MBOAT2: variants seen among roughly 807,000 people sequenced by gnomAD.
MBOAT2 encodes the protein membrane-bound glycerophospholipid O-acyltransferase 2.
Under a neutral mutation model 63.4 loss-of-function variants are expected in MBOAT2, and 28 were observed. That is an observed-to-expected ratio of 0.44 (90% CI 0.33 to 0.61). MBOAT2 has a LOEUF of 0.61. Among genes scored for constraint, MBOAT2 ranks in the 20% least tolerant of loss-of-function variants. The pLI is 0.03. For synonymous variants in MBOAT2, 211 were observed against 215.6 expected, an observed-to-expected ratio of 0.98 and a Z score of 0.19; for missense variants, 470 against 605.8, an observed-to-expected ratio of 0.78 and a Z score of 2.35.
chr2:8,894,680 G>T (rs769014281), intron 4 of MBOAT2, among the ~76,000 whole-genome samples: 1 of 152,230 alleles, frequency 6.6e-6, no homozygotes, highest in East Asian at 1.9e-4. Flanking sequence ...TGGTCTCGCT[G>T]ACTTCAAGAA....
chr2:8,904,316 A>AT lies in MBOAT2; in HGVS notation c.395+4304dup, dbSNP rs59252049. ...ATACTGAAGGTTGTTTTTATTTTTT[A>AT]TTTTTTTTTTTTTGAGATAGGATCT... On this transcript the variant is annotated intron_variant, in intron 4 of 12. Coordinates refer to ENST00000305997, the MANE Select transcript of MBOAT2 (RefSeq NM_138799.4). Among the ~76,000 whole-genome samples, 266 of 142,550 alleles carry AT rather than the reference A, an allele frequency of 1.9e-3. 1 individual carries two copies. Among genetic ancestry groups the AT allele is most frequent in the East Asian group, 7.8e-3 (38 of 4,884 alleles). The allele number at this position is 142,550 out of a possible 152,430, so 93.5% of individuals were successfully genotyped here.
At chr2:8,923,132 A>C (rs1013077446) in intron 3 of MBOAT2, among the ~76,000 whole-genome samples, 12 of 152,240 alleles carry the variant, frequency 7.9e-5, no homozygotes, top group African/African-American at 2.9e-4. Context: ...GGTAAAGACT[A>C]ACAAAAGGTC....
In MBOAT2 at chr2:8,962,177, G is replaced by A. The variant is rs1669651402; in HGVS notation, c.76-3535C>T. Among the ~76,000 whole-genome samples the A allele has an allele frequency of 2.0e-5, 3 of 152,076 alleles. No individual in the cohort carries two copies. The South Asian group carries it at 6.2e-4, about 32-fold the overall frequency. ...TTTAATCTTCACAATAACCCTATGA[G>A]GAGAACTCTACTATTATCTCCATTT... On this transcript the variant is annotated intron_variant, in intron 1 of 12. Coordinates refer to ENST00000305997, the MANE Select transcript of MBOAT2 (RefSeq NM_138799.4).
At chr2:8,918,304 T>C (rs937853944) in intron 3 of MBOAT2, among the ~76,000 whole-genome samples, 5 of 152,208 alleles carry the variant, frequency 3.3e-5, no homozygotes, top group Non-Finnish European at 5.9e-5. Context: ...GGTCCCAGGG[T>C]TCAGTTTGCA....
chr2:8,908,391 C>G (rs1162673186), intron 4 of MBOAT2: 1 of 386,126 alleles, frequency 2.6e-6, no homozygotes, highest in East Asian at 4.4e-5. Flanking sequence ...GACCTAAGAA[C>G]CAAAGGAAGT....
chr2:8,963,440 A>C (rs567133483), intron 1 of MBOAT2, among the ~76,000 whole-genome samples: 1 of 152,082 alleles, frequency 6.6e-6, no homozygotes, highest in South Asian at 2.1e-4. Flanking sequence ...AGCAGCTGGG[A>C]TTACAGGCAT....
At chr2:9,002,366 A>G (rs140439753) in intron 1 of MBOAT2, among the ~76,000 whole-genome samples, 1 of 152,334 alleles carries the variant, frequency 6.6e-6, no homozygotes, top group East Asian at 1.9e-4. Context: ...AGCAGCTAGT[A>G]TCCTAATGTC....
Position 8,855,823 on chromosome 2 carries a change from G to A in MBOAT2, c.*2856C>T, listed in dbSNP as rs1484031750. ...TATAATTAACCAAAAGTATAAATATGATGTTGATTGATCATCTCTAGAGTG... is the reference window on the plus strand; with the variant it reads ...TATAATTAACCAAAAGTATAAATATAATGTTGATTGATCATCTCTAGAGTG... On this transcript the variant is annotated 3_prime_UTR_variant, in exon 13 of 13. Coordinates refer to ENST00000305997, the MANE Select transcript of MBOAT2 (RefSeq NM_138799.4). 6.6e-6 allele frequency: 1 copy of A among 152,024 alleles called. No homozygotes were observed. The highest frequency in any genetic ancestry group is 1.5e-5 in the Non-Finnish European group (1 of 68,004). The allele number at this position is 152,024 out of a possible 1,614,324, so 9.4% of individuals were successfully genotyped here. A position where few individuals can be genotyped will look rare whatever the true frequency, so the allele number is the denominator to read the frequency against.
At chr2:8,877,765 G>C (rs901796268) in intron 6 of MBOAT2, among the ~76,000 whole-genome samples, 6 of 152,344 alleles carry the variant, frequency 3.9e-5, no homozygotes, top group African/African-American at 1.2e-4. Context: ...CAGAGACCAG[G>C]AAGAAGTGAG....
intron 4 of MBOAT2, among the ~76,000 whole-genome samples, chr2:8,890,658 T>C (rs2148554982): frequency 6.6e-6 from 1 of 152,244 alleles, no homozygotes; most frequent in South Asian, 2.1e-4. Flanking sequence ...CAGCTAACCC[T>C]ACAGGTACAT....
intron 3 of MBOAT2, among the ~76,000 whole-genome samples, chr2:8,909,077 C>T (rs879696723): frequency 2.0e-5 from 3 of 152,276 alleles, no homozygotes; most frequent in African/African-American, 4.8e-5. Flanking sequence ...CTAAGGTATA[C>T]ATTCAACAAA....
At chr2:8,941,309 C>T (rs1321199769) in intron 3 of MBOAT2, among the ~76,000 whole-genome samples, 1 of 152,164 alleles carries the variant, frequency 6.6e-6, no homozygotes, top group Non-Finnish European at 1.5e-5. Flanking sequence ...AGATTCTATC[C>T]TAAATATCAG....
Position 8,868,638 on chromosome 2 carries a change from T to C in MBOAT2, c.884-89A>G, listed in dbSNP as rs1662077789. 8.6e-6 allele frequency: 9 copies of C among 1,047,134 alleles called. No individual in the cohort carries two copies. The East Asian group carries it at 2.2e-4, about 26-fold the overall frequency. The allele number at this position is 1,047,134 out of a possible 1,614,324, so 64.9% of individuals were successfully genotyped here. A position where few individuals can be genotyped will look rare whatever the true frequency, so the allele number is the denominator to read the frequency against. The stretch of plus-strand genomic sequence containing the variant: ...AGAAGGTATGTGTTATTATATCTTT[T>C]ATTCTTAAACAGTAAAAGTAGATTT... On this transcript the variant is annotated intron_variant, in intron 8 of 12. Coordinates refer to ENST00000305997, the MANE Select transcript of MBOAT2 (RefSeq NM_138799.4).
chr2:8,936,573 G>A (rs180767330), intron 3 of MBOAT2, among the ~76,000 whole-genome samples: 11 of 152,216 alleles, frequency 7.2e-5, no homozygotes, highest in African/African-American at 2.6e-4. Flanking sequence ...TCAAAGATCA[G>A]GAGTTCAAGA....
At position 8,961,765 on chromosome 2, in the gene MBOAT2, C is replaced by T. The variant is rs575025225; in HGVS notation, c.76-3123G>A. Among the ~76,000 whole-genome samples the T allele has an allele frequency of 6.8e-4, 104 of 152,266 alleles. 1 individual carries two copies. The highest frequency in any genetic ancestry group is 2.5e-3 in the South Asian group (12 of 4,806). ...TATGTGGCAGGTATGAGTACACACCCCTCAAATCTCCACCCGCAGGGGGCA... is the reference window on the plus strand; with the variant it reads ...TATGTGGCAGGTATGAGTACACACCTCTCAAATCTCCACCCGCAGGGGGCA... On this transcript the variant is annotated intron_variant, in intron 1 of 12. Coordinates refer to ENST00000305997, the MANE Select transcript of MBOAT2 (RefSeq NM_138799.4).
chr2:8,948,116 G>A (rs1344175273), intron 2 of MBOAT2, among the ~76,000 whole-genome samples: 1 of 152,186 alleles, frequency 6.6e-6, no homozygotes, highest in Non-Finnish European at 1.5e-5. Context: ...ACATTGAGGG[G>A]TTCAAGACTT....
intron 1 of MBOAT2, among the ~76,000 whole-genome samples, chr2:8,980,178 T>C (rs945788222): frequency 6.6e-6 from 1 of 152,192 alleles, no homozygotes; most frequent in African/African-American, 2.4e-5. Flanking sequence ...ATATTACTCT[T>C]GCCCTCACAT....
At chr2:8,865,135 G>A (rs1661780297) in intron 9 of MBOAT2, among the ~76,000 whole-genome samples, 1 of 152,010 alleles carries the variant, frequency 6.6e-6, no homozygotes, top group African/African-American at 2.4e-5. Context: ...TGTTTTCCTA[G>A]ACAGTTCATT....
At chr2:8,958,807 C>A (rs910359737) in intron 1 of MBOAT2, among the ~76,000 whole-genome samples, 165 bp from the exon 2 acceptor site, 4 of 152,164 alleles carry the variant, frequency 2.6e-5, no homozygotes, top group Non-Finnish European at 5.9e-5. Context: ...GGATGAGCCT[C>A]AAGTTCCAAG....
Sources: allele counts gnomAD v4.1 joint callset (sites outside exome capture counted in the v4.1 genomes callset), GRCh38; gene constraint gnomAD v4.1.1; transcripts MANE v1.5; gene names NCBI Gene and HGNC (gene_info 2026-07-23, HGNC 2026-07-21).